TNRC6B: variants seen among roughly 807,000 people sequenced by gnomAD.
The protein encoded by TNRC6B is trinucleotide repeat-containing gene 6B protein.
In TNRC6B, 52 loss-of-function variants were observed where a neutral mutation model predicts 203.6. The observed-to-expected ratio is 0.26, with a 90% confidence interval of 0.20 to 0.32. TNRC6B has a LOEUF of 0.32. Ranked by LOEUF, TNRC6B falls within the 10% of genes least tolerant of loss-of-function variation. TNRC6B has a pLI of 1.00. For missense variants in TNRC6B, 1,923 were observed against 2,286.2 expected (o/e 0.84, Z 3.24); for synonymous variants, 838 against 845.7 (o/e 0.99, Z 0.16).
intron 3 of TNRC6B, among the ~76,000 whole-genome samples, chr22:40,140,715 A>G (rs1229872239): frequency 6.6e-6 from 1 of 151,840 alleles, no homozygotes; most frequent in Non-Finnish European, 1.5e-5. Context: ...GTCTTTGCTC[A>G]CTGCAACCTC....
At position 40,189,478 on chromosome 22, in the gene TNRC6B, T is replaced by A. The variant is rs2069244559; in HGVS notation, c.5+11338T>A. On this transcript the variant is annotated intron_variant, in intron 1 of 22. Transcript: ENST00000454349. ...CAGCATTTCCCGCTGTTTGTTGGGGTACTAATAGATTTGTCTGCCCAAAAA... is the reference window on the plus strand; with the variant it reads ...CAGCATTTCCCGCTGTTTGTTGGGGAACTAATAGATTTGTCTGCCCAAAAA... 4.8e-5 allele frequency among the ~76,000 whole-genome samples: 7 copies of A among 146,686 alleles called. No homozygotes were observed. In the South Asian group the frequency reaches 1.3e-3, roughly 27 times the overall value.
Position 40,189,834 on chromosome 22 carries a change from A to G in TNRC6B, c.5+11694A>G, listed in dbSNP as rs151178264. Among the ~76,000 whole-genome samples, 11 of 152,332 alleles carry G rather than the reference A, an allele frequency of 7.2e-5. No individual in the cohort carries two copies. The East Asian group carries it at 1.9e-3, about 27-fold the overall frequency. ...GGTTGAAAAAGACACATTGGGGTCC[A>G]TCATGAGTTGAAATTTGCCAAGTAA... On this transcript the variant is annotated intron_variant, in intron 1 of 22. Coordinates refer to ENST00000454349, the MANE Select transcript of TNRC6B (RefSeq NM_001162501.2).
intron 1 of TNRC6B, among the ~76,000 whole-genome samples, chr22:40,227,196 T>G (rs1488667086): frequency 6.7e-6 from 1 of 149,982 alleles, no homozygotes; most frequent in Admixed American, 6.7e-5. Flanking sequence ...TCCACTTGCC[T>G]CAGCCTCCGA....
intron 1 of TNRC6B, among the ~76,000 whole-genome samples, chr22:40,179,112 C>T (rs193086474): frequency 4.3e-4 from 65 of 152,302 alleles, no homozygotes; most frequent in Admixed American, 1.4e-3. Context: ...GTATAAGTAG[C>T]AGTCTATGTG....
chr22:40,208,518 T>A (rs1213522596), intron 1 of TNRC6B, among the ~76,000 whole-genome samples: 1 of 152,192 alleles, frequency 6.6e-6, no homozygotes, highest in Non-Finnish European at 1.5e-5. Flanking sequence ...AGTAATAAAA[T>A]TCCACTTAAG....
chr22:40,241,913 C>G (rs1056879801), intron 1 of TNRC6B, among the ~76,000 whole-genome samples: 2 of 152,182 alleles, frequency 1.3e-5, no homozygotes, highest in African/African-American at 4.8e-5. Context: ...CCAGATTTAG[C>G]TTGTAGGAGC....
chr22:40,209,675 C>T (rs959822477), intron 1 of TNRC6B, among the ~76,000 whole-genome samples: 1 of 152,148 alleles, frequency 6.6e-6, no homozygotes, highest in Non-Finnish European at 1.5e-5. Flanking sequence ...TACTCTGAGC[C>T]TCGGTTTCCT....
intron 1 of TNRC6B, among the ~76,000 whole-genome samples, chr22:40,211,614 T>C (rs1172376846): frequency 6.6e-6 from 1 of 152,158 alleles, no homozygotes; most frequent in Non-Finnish European, 1.5e-5. Context: ...CCTAAGTTAC[T>C]AGGAAGCCTC....
At chr22:40,276,206 G>A (rs954736558) in intron 7 of TNRC6B, among the ~76,000 whole-genome samples, 3 of 151,894 alleles carry the variant, frequency 2.0e-5, no homozygotes, top group Non-Finnish European at 4.4e-5. Flanking sequence ...AATTAACCGG[G>A]CATGGTGGCG....
At chr22:40,290,397 G>A (rs560860249) in intron 12 of TNRC6B, among the ~76,000 whole-genome samples, 2 of 152,278 alleles carry the variant, frequency 1.3e-5, no homozygotes, top group African/African-American at 2.4e-5. Flanking sequence ...TGGTTCTCTC[G>A]CTGAGAATGC....
chr22:40,045,567 T>C (rs1410589426), intron 1 of TNRC6B: 1 of 152,208 alleles, frequency 6.6e-6, no homozygotes, highest in East Asian at 1.9e-4. Context: ...TCCCGGCCTG[T>C]GTGCAGGACC....
chr22:40,125,723 T>C (rs1436324874), intron 2 of TNRC6B: 4 of 1,451,832 alleles, frequency 2.8e-6, no homozygotes, highest in Non-Finnish European at 3.7e-6. Flanking sequence ...AAAAAAAAAT[T>C]TTTTTGCCCT....
chr22:40,053,629 AT>A (rs750109005), intron 1 of TNRC6B, among the ~76,000 whole-genome samples: 35 of 152,060 alleles, frequency 2.3e-4, no homozygotes, highest in Non-Finnish European at 4.9e-4. Flanking sequence ...TGGATTGCAA[AT>A]TTCTTAAGTG....
intron 4 of TNRC6B, among the ~76,000 whole-genome samples, chr22:40,263,457 G>A (rs928384275): frequency 1.2e-4 from 19 of 152,306 alleles, no homozygotes; most frequent in African/African-American, 4.1e-4. Flanking sequence ...TTCTGCAGCC[G>A]AGTGTAGCCA....
intron 4 of TNRC6B, among the ~76,000 whole-genome samples, chr22:40,171,156 A>ATTTTTT (rs747786805): frequency 3.2e-5 from 4 of 124,388 alleles, no homozygotes; most frequent in East Asian, 2.2e-4. Context: ...ATAAATGCTA[A>ATTTTTT]TTTTTTTTTT....
chr22:40,163,493 T>A (rs971951404), intron 4 of TNRC6B, among the ~76,000 whole-genome samples: 1 of 102,668 alleles, frequency 9.7e-6, no homozygotes, highest in Non-Finnish European at 1.8e-5. Flanking sequence ...CCAGGCACGG[T>A]GGCTCACGCC....
intron 9 of TNRC6B, 58 bp from the exon 10 acceptor site, chr22:40,279,937 G>C (rs1157510160): frequency 1.3e-6 from 2 of 1,556,172 alleles, no homozygotes; most frequent in Admixed American, 1.7e-5. Flanking sequence ...GGTCACTCTT[G>C]GTTCATGGGG....
intron 1 of TNRC6B, among the ~76,000 whole-genome samples, chr22:40,047,487 C>T (rs1356300887): frequency 6.6e-6 from 1 of 151,878 alleles, no homozygotes; most frequent in South Asian, 2.1e-4. Context: ...CCTGTAATCC[C>T]AGCTACTTAG....
intron 3 of TNRC6B, among the ~76,000 whole-genome samples, chr22:40,151,185 C>T (rs2098406940): frequency 6.6e-6 from 1 of 151,428 alleles, no homozygotes; most frequent in Non-Finnish European, 1.5e-5. Flanking sequence ...GCATGAGAAT[C>T]GCTTGAACCA....
Sources: gnomAD v4.1 joint callset for allele counts (sites outside exome capture counted in the v4.1 genomes callset) on GRCh38, gnomAD v4.1.1 for gene constraint, MANE v1.5 for transcripts, NCBI Gene and HGNC (gene_info 2026-07-23, HGNC 2026-07-21) for gene names.